ULK2: variants seen among roughly 807,000 people sequenced by gnomAD.
ULK2 encodes the protein serine/threonine-protein kinase ULK2.
In ULK2, 76 loss-of-function variants were observed where a neutral mutation model predicts 127.5. The ratio of observed to expected loss-of-function variants is 0.60; its 90% confidence interval spans 0.50 to 0.72. ULK2 has a LOEUF of 0.72. Ranked by LOEUF, ULK2 falls within the 30% of genes least tolerant of loss-of-function variation. ULK2 has a pLI of 0.00. For missense variants in ULK2, 1,144 were observed against 1,295.9 expected (o/e 0.88, Z 1.80); for synonymous variants, 452 against 461.9 (o/e 0.98, Z 0.28).
chr17:19,840,709 T>C (rs1177414799), intron 9 of ULK2, among the ~76,000 whole-genome samples: 1 of 146,960 alleles, frequency 6.8e-6, no homozygotes, highest in Non-Finnish European at 1.5e-5. Context: ...AAACTCCGTG[T>C]CCACTAAAAA....
At chr17:19,779,732 T>C (rs756762394) in intron 25 of ULK2, among the ~76,000 whole-genome samples, 4 of 152,098 alleles carry the variant, frequency 2.6e-5, no homozygotes, top group South Asian at 2.1e-4. Flanking sequence ...TATCCTACAA[T>C]ATCAGTAAGT....
At chr17:19,838,635 A>G in intron 9 of ULK2, 52 bp from the exon 10 acceptor site, 1 of 1,505,988 alleles carries the variant, frequency 6.6e-7, no homozygotes, top group Non-Finnish European at 9.1e-7. Context: ...ATATACATAA[A>G]CATTAACTTT....
In ULK2 at chr17:19,801,858, G is replaced by A; in HGVS notation, c.1360C>T (p.Pro454Ser). The change falls in exon 16 of 27, where the codon CCA (proline) becomes TCA (serine). Residue 454 changes from proline to serine, a missense_variant. This residue lies in a region of ULK2 where 913 missense variants were observed against 970.5 expected (regional missense o/e 0.94). Coordinates refer to ENST00000395544, the MANE Select transcript of ULK2 (RefSeq NM_014683.4). ...GTCTGTGCTGTGTCTGCTGGTACTGGGGAGCATGATCCCGGCCGGAGGAAG... is the reference window on the plus strand; with the variant it reads ...GTCTGTGCTGTGTCTGCTGGTACTGAGGAGCATGATCCCGGCCGGAGGAAG... Reference protein sequence around the residue: ...MGFLRPGSCSPVPADTAQTVG... With the variant: ...MGFLRPGSCSSVPADTAQTVG... 1.2e-6 allele frequency: 2 copies of A among 1,614,188 alleles called. No homozygotes were observed. Among genetic ancestry groups the A allele is most frequent in the East Asian group, 4.5e-5 (2 of 44,880 alleles).
chr17:19,855,245 A>C (rs1359282111), intron 3 of ULK2, among the ~76,000 whole-genome samples: 14 of 151,900 alleles, frequency 9.2e-5, no homozygotes, highest in South Asian at 2.1e-4. Flanking sequence ...TCTACTAAAA[A>C]TACAAAAAAT....
Position 19,796,134 on chromosome 17 carries a change from C to T in ULK2, c.1958G>A (p.Arg653Lys), listed in dbSNP as rs2087265067. The change falls in exon 19 of 27, where the codon AGG becomes AAG. Residue 653 changes from arginine (R) to lysine (K), a missense_variant. Around this residue, in one of 2 missense-constraint regions of ULK2, gnomAD observed 913 missense variants for 970.5 expected, o/e 0.94. Coordinates refer to ENST00000395544, the MANE Select transcript of ULK2 (RefSeq NM_014683.4). ...CTTGCTCTGCTGCTCGGCCCGCTGCCTCTCACTTCCTTGCACTAAGAGGCA... is the reference window on the plus strand; with the variant it reads ...CTTGCTCTGCTGCTCGGCCCGCTGCTTCTCACTTCCTTGCACTAAGAGGCA... ...AHCLLVQGSE[R>K]QRAEQQSKAV... 2 of 1,613,666 alleles carry T rather than the reference C, an allele frequency of 1.2e-6. No homozygotes were observed. The highest frequency in any genetic ancestry group is 1.3e-5 in the African/African-American group (1 of 74,898).
At chr17:19,847,550 G>A (rs1287925975) in intron 5 of ULK2, among the ~76,000 whole-genome samples, 1 of 151,918 alleles carries the variant, frequency 6.6e-6, no homozygotes. Context: ...TCATTATTCC[G>A]TAAATATTTT....
chr17:19,854,706 C>A (rs978243753), intron 3 of ULK2, among the ~76,000 whole-genome samples: 14 of 152,048 alleles, frequency 9.2e-5, no homozygotes, highest in Non-Finnish European at 1.6e-4. Context: ...CATGGGGAAT[C>A]ATTTTCATAA....
rs775575107 is a variant in ULK2, at chr17:19,780,455, A to G, written c.2916+17T>C. The G allele has an allele frequency of 4.4e-6, 7 of 1,598,940 alleles. No homozygotes were observed. In the Admixed American group the frequency reaches 8.8e-5, roughly 20 times the overall value. ...GATAAGTAGTACTATACAATATTAA[A>G]CCTTAGAAAGGGTTACCATTTCTAC... On this transcript the variant is annotated intron_variant, in intron 25 of 26. Coordinates refer to ENST00000395544, the MANE Select transcript of ULK2 (RefSeq NM_014683.4).
intron 3 of ULK2, among the ~76,000 whole-genome samples, chr17:19,862,032 T>A (rs1317796647): frequency 6.6e-6 from 1 of 152,180 alleles, no homozygotes; most frequent in Non-Finnish European, 1.5e-5. Context: ...ATCAAAAATA[T>A]GTTCAGAAGA....
chr17:19,803,621 TA>T (rs1398870399), intron 15 of ULK2, among the ~76,000 whole-genome samples: 1 of 152,238 alleles, frequency 6.6e-6, no homozygotes, highest in African/African-American at 2.4e-5. Flanking sequence ...CATTTTATAA[TA>T]TAACTTGGAA....
intron 16 of ULK2, 51 bp from the exon 17 acceptor site, chr17:19,799,626 A>C: frequency 6.7e-7 from 1 of 1,483,998 alleles, no homozygotes; most frequent in Non-Finnish European, 9.0e-7. Context: ...AATGATCAAA[A>C]ACCAATAAAA....
chr17:19,818,097 C>G (rs2041038687), intron 12 of ULK2, among the ~76,000 whole-genome samples: 1 of 151,980 alleles, frequency 6.6e-6, no homozygotes, highest in South Asian at 2.1e-4. Flanking sequence ...CCGAGGCGGG[C>G]AGATCACGAG....
Position 19,844,129 on chromosome 17 carries a change from A to G in ULK2, c.544-907T>C, listed in dbSNP as rs764365409. Among the ~76,000 whole-genome samples, 34 of 152,322 alleles carry G rather than the reference A, an allele frequency of 2.2e-4. 1 individual carries two copies. The highest frequency in any genetic ancestry group is 3.9e-4 in the Admixed American group (6 of 15,290). On this transcript the variant is annotated intron_variant, in intron 7 of 26. Transcript: ENST00000395544. ...TGATGCAAAACCCCACACAATACTA[A>G]AAATTGTCCTAAAAGCAAAACCATT... is the stretch of plus-strand genomic sequence containing the variant.
Position 19,835,388 on chromosome 17 carries a change from G to C in ULK2, c.787+3113C>G, listed in dbSNP as rs2041567833. On this transcript the variant is annotated intron_variant, in intron 10 of 26. Coordinates refer to ENST00000395544, the MANE Select transcript of ULK2 (RefSeq NM_014683.4). The stretch of plus-strand genomic sequence containing the variant: ...GAGCCACCACACCCGGCCTCAACTA[G>C]TTTTTATATAAAGTAGACTGTGATA... Among the ~76,000 whole-genome samples, 3 of 148,350 alleles carry C rather than the reference G, an allele frequency of 2.0e-5. No individual in the cohort carries two copies. In the South Asian group the frequency reaches 6.7e-4, roughly 33 times the overall value.
chr17:19,777,538 T>C, intron 26 of ULK2, 43 bp downstream of exon 26: 1 of 1,569,028 alleles, frequency 6.4e-7, no homozygotes, highest in Non-Finnish European at 8.6e-7. Flanking sequence ...GATAGACAAC[T>C]AAAATGAAGT....
chr17:19,779,299 G>T (rs1646912875), intron 25 of ULK2, among the ~76,000 whole-genome samples: 1 of 152,038 alleles, frequency 6.6e-6, no homozygotes, highest in South Asian at 2.1e-4. Context: ...GGGAGGCCGA[G>T]GTGGGTGGAT....
chr17:19,782,597 G>A (rs1244566980), intron 22 of ULK2, among the ~76,000 whole-genome samples: 1 of 152,124 alleles, frequency 6.6e-6, no homozygotes, highest in Admixed American at 6.5e-5. Context: ...AGACATAACA[G>A]CATTCAGAGG....
At chr17:19,860,522 C>G (rs911657393) in intron 3 of ULK2, among the ~76,000 whole-genome samples, 2 of 150,740 alleles carry the variant, frequency 1.3e-5, no homozygotes, top group Non-Finnish European at 3.0e-5. Context: ...TGATTAATAC[C>G]TCTTTTTTTT....
At chr17:19,845,234 G>T in intron 7 of ULK2, 70 bp downstream of exon 7, 1 of 1,311,012 alleles carries the variant, frequency 7.6e-7, no homozygotes, top group Non-Finnish European at 1.1e-6. Flanking sequence ...TTGGAAGCAC[G>T]CATTATATTT....
Sources: allele counts gnomAD v4.1 joint callset (sites outside exome capture counted in the v4.1 genomes callset), GRCh38; gene constraint gnomAD v4.1.1; regional missense constraint gnomAD v4.1.1; transcripts MANE v1.5; gene names NCBI Gene and HGNC (gene_info 2026-07-23, HGNC 2026-07-21).